The following MYRFL variants were observed in gnomAD, a reference collection of about 807,000 sequenced individuals.
MYRFL encodes the protein myelin regulatory factor-like protein.
A neutral mutation model predicts 109.4 loss-of-function variants in MYRFL; 88 were observed. The observed-to-expected ratio is 0.80, with a 90% CI of 0.68 to 0.96. MYRFL has a LOEUF of 0.96. Ranked by LOEUF, MYRFL falls within the 40% of genes least tolerant of loss-of-function variation. The pLI, the probability that MYRFL is intolerant of heterozygous loss-of-function variation, is 0.00. For synonymous variants in MYRFL, 324 were observed against 320.9 expected (o/e 1.01, Z -0.10); for missense variants, 957 against 954.9 (o/e 1.00, Z -0.03).
intron 22 of MYRFL, among the ~76,000 whole-genome samples, chr12:69,956,678 G>T (rs181643016): frequency 1.3e-5 from 2 of 151,038 alleles, no homozygotes; most frequent in Non-Finnish European, 2.9e-5. Flanking sequence ...CTCTTCCTCC[G>T]TCTTATTCAG....
At chr12:69,915,434 A>G (rs1468671474) in intron 13 of MYRFL, among the ~76,000 whole-genome samples, 1 of 152,166 alleles carries the variant, frequency 6.6e-6, no homozygotes, top group Non-Finnish European at 1.5e-5. Context: ...ATGTTGAAAT[A>G]TTGCCTCCAT....
intron 2 of MYRFL, among the ~76,000 whole-genome samples, chr12:69,860,248 A>T (rs940789228): frequency 9.9e-5 from 15 of 151,696 alleles, no homozygotes; most frequent in African/African-American, 3.4e-4. Context: ...ATGACTTCCA[A>T]CTCCATCCAT....
At chr12:69,953,952 A>G (rs1438843944) in intron 21 of MYRFL, among the ~76,000 whole-genome samples, 1 of 152,076 alleles carries the variant, frequency 6.6e-6, no homozygotes, top group Non-Finnish European at 1.5e-5. Context: ...CTTCAAGTTG[A>G]TGGCTGTGAG....
chr12:69,910,961 A>T, intron 13 of MYRFL, 31 bp downstream of exon 13: 4 of 1,461,606 alleles, frequency 2.7e-6, no homozygotes, highest in Non-Finnish European at 3.7e-6. Flanking sequence ...AGCTGCTATA[A>T]GCTATCAGTC....
At chr12:69,873,159 T>C (rs902216454) in intron 2 of MYRFL, among the ~76,000 whole-genome samples, 2 of 152,228 alleles carry the variant, frequency 1.3e-5, no homozygotes, top group African/African-American at 4.8e-5. Flanking sequence ...GTGTCCAATC[T>C]GTTGGCTTCC....
At chr12:69,953,803 T>TG (rs1956039461) in intron 21 of MYRFL, among the ~76,000 whole-genome samples, 1 of 105,904 alleles carries the variant, frequency 9.4e-6, no homozygotes. Flanking sequence ...ACACACGGAA[T>TG]GGGGGAGTTA....
rs1383184635 is a variant in MYRFL at position 69,842,603 on chromosome 12, G to A, written c.47-12677G>A. ...GCTGGCAGTGGGGTCCGGGAATGGT[G>A]TGGCCCTCAGTCTCTACCATGTTCT... On this transcript the variant is annotated intron_variant, in intron 1 of 24. Transcript: ENST00000552032. 4.6e-5 allele frequency among the ~76,000 whole-genome samples: 7 copies of A among 152,234 alleles called. No homozygotes were observed. In the East Asian group the frequency reaches 1.3e-3, roughly 29 times the overall value.
intron 19 of MYRFL, among the ~76,000 whole-genome samples, chr12:69,938,136 GAATTC>G (rs898237776): frequency 2.0e-5 from 3 of 152,134 alleles, no homozygotes; most frequent in Admixed American, 2.0e-4. Context: ...TTAAAGAAAG[GAATTC>G]ATTTCAGTCA....
Position 69,946,367 on chromosome 12 carries a change from G to T in MYRFL, c.2225-5746G>T, listed in dbSNP as rs185975392. ...TTTGTCAACTGGAGAAAAATGGAAA[G>T]AATTCAAATGTTTGATTCACTTTTG... is the stretch of plus-strand genomic sequence containing the variant. On this transcript the variant is annotated intron_variant, in intron 19 of 24. Transcript: ENST00000552032. 3.0e-3 allele frequency among the ~76,000 whole-genome samples: 460 copies of T among 152,220 alleles called. 7 individuals are homozygous for T. The highest frequency in any genetic ancestry group is 0.01 in the African/African-American group (419 of 41,550).
intron 1 of MYRFL, among the ~76,000 whole-genome samples, chr12:69,840,510 A>T (rs998259681): frequency 1.3e-5 from 2 of 152,320 alleles, no homozygotes; most frequent in Admixed American, 1.3e-4. Flanking sequence ...ATCCCGCTGC[A>T]GTGTTCCTGC....
chr12:69,862,501 C>T (rs1295854629), intron 2 of MYRFL, among the ~76,000 whole-genome samples: 1 of 150,436 alleles, frequency 6.6e-6, no homozygotes, highest in Non-Finnish European at 1.5e-5. Context: ...ATTTTATTCT[C>T]TTTGAAGCAA....
intron 21 of MYRFL, among the ~76,000 whole-genome samples, chr12:69,953,115 A>G (rs1196563327): frequency 6.6e-6 from 1 of 152,206 alleles, no homozygotes; most frequent in East Asian, 1.9e-4. Flanking sequence ...TCCTGGTTTA[A>G]TGGATGGGTC....
chr12:69,926,031 A>C (rs1472326357), intron 13 of MYRFL, among the ~76,000 whole-genome samples: 2 of 151,918 alleles, frequency 1.3e-5, no homozygotes, highest in Non-Finnish European at 2.9e-5. Context: ...ATTAGGGAGA[A>C]CTAGAGTCAT....
intron 1 of MYRFL, among the ~76,000 whole-genome samples, chr12:69,832,244 G>A (rs1277814596): frequency 6.6e-6 from 1 of 152,038 alleles, no homozygotes; most frequent in Non-Finnish European, 1.5e-5. Context: ...TCTCCCCCTG[G>A]CCTCATGACT....
intron 2 of MYRFL, among the ~76,000 whole-genome samples, chr12:69,875,739 C>T (rs1462046625): frequency 6.6e-6 from 1 of 152,144 alleles, no homozygotes; most frequent in Admixed American, 6.5e-5. Flanking sequence ...ATCTAACTAA[C>T]GCCTGATGAT....
rs191917226 is a variant in MYRFL at position 69,921,769 on chromosome 12, C to T, written c.1603-4802C>T. On this transcript the variant is annotated intron_variant, in intron 13 of 24. Coordinates refer to ENST00000552032, the MANE Select transcript of MYRFL (RefSeq NM_182530.3). The stretch of plus-strand genomic sequence containing the variant: ...CTACCTGTAAGATATATGGTACTGG[C>T]AAATTTCAGTTGGAGAAATTAAACC... Among the ~76,000 whole-genome samples, 279 of 152,218 alleles carry T rather than the reference C, an allele frequency of 1.8e-3. 1 individual carries two copies. The highest frequency in any genetic ancestry group is 1.7e-3 in the Non-Finnish European group (118 of 68,012).
At chr12:69,953,604 C>CCAAACAAA (rs111525528) in intron 21 of MYRFL, among the ~76,000 whole-genome samples, 4,963 of 151,982 alleles carry the variant, frequency 0.033, 276 homozygotes, top group African/African-American at 0.11. Context: ...TCCTGTCTCT[C>CCAAACAAA]CAAACAAACA....
At chr12:69,826,925 T>C (rs1030622031) in intron 1 of MYRFL, among the ~76,000 whole-genome samples, 3 of 152,092 alleles carry the variant, frequency 2.0e-5, no homozygotes, top group Admixed American at 1.3e-4. Flanking sequence ...TGTAGGGCTT[T>C]GGATGCCTTC....
intron 5 of MYRFL, 128 bp from the exon 6 acceptor site, chr12:69,886,692 C>T (rs958047258): frequency 2.6e-6 from 3 of 1,140,454 alleles, no homozygotes. Context: ...ACCTCCTACC[C>T]CCAGCACATG....
Sources: gnomAD v4.1 joint callset for allele counts (sites outside exome capture counted in the v4.1 genomes callset) on GRCh38, gnomAD v4.1.1 for gene constraint, MANE v1.5 for transcripts, NCBI Gene and HGNC (gene_info 2026-07-23, HGNC 2026-07-21) for gene names.